The following VPS37A variants were observed in gnomAD, a reference collection of about 807,000 sequenced individuals.
The protein encoded by VPS37A is vacuolar protein sorting-associated protein 37A.
In VPS37A, 30 loss-of-function variants were observed where a neutral mutation model predicts 49.8. The observed-to-expected ratio is 0.60, with a 90% CI of 0.45 to 0.82. The LOEUF is 0.82. VPS37A is among the 40% of genes least tolerant of loss of function. The pLI is 0.00. For synonymous variants in VPS37A, 195 were observed against 160.6 expected (o/e 1.21, Z -1.62); for missense variants, 593 against 464.4 (o/e 1.28, Z -2.55).
chr8:17,320,057 T>C, the VPS37A span, among the ~76,000 whole-genome samples: 1 of 152,172 alleles, frequency 6.6e-6, no homozygotes, highest in Non-Finnish European at 1.5e-5. Flanking sequence ...TTACTAGCTT[T>C]TTATACTGAT....
At chr8:17,326,655 C>A in the VPS37A span, 1 of 152,254 alleles carries the variant, frequency 6.6e-6, no homozygotes, top group African/African-American at 2.4e-5. Context: ...CTTGAAGAAA[C>A]AGGCTGCCAT....
downstream of VPS37A, chr8:17,299,665 T>G (rs1489872515): frequency 7.4e-6 from 5 of 673,460 alleles, no homozygotes; most frequent in African/African-American, 7.3e-5. Context: ...TTCCTTATAT[T>G]TGATAAATGA....
chr8:17,301,759 T>C (rs940152752), downstream of VPS37A: 3 of 208,396 alleles, frequency 1.4e-5, no homozygotes, highest in South Asian at 1.4e-4. Context: ...TTACCAATTA[T>C]AGATTAATAT....
At chr8:17,275,033 C>A in intron 5 of VPS37A, 75 bp downstream of exon 5, 1 of 1,344,730 alleles carries the variant, frequency 7.4e-7, no homozygotes, top group Non-Finnish European at 1.0e-6. Context: ...TTACATGCCT[C>A]TGTGTGCCAG....
Position 17,275,900 on chromosome 8 carries a change from T to C in VPS37A, c.643-497T>C, listed in dbSNP as rs193239193. Among the ~76,000 whole-genome samples the C allele has an allele frequency of 2.3e-3, 345 of 152,224 alleles. 3 individuals carry two copies. The highest frequency in any genetic ancestry group is 4.2e-3 in the Non-Finnish European group (286 of 67,998). On this transcript the variant is annotated intron_variant, in intron 5 of 11. Coordinates refer to ENST00000324849, the MANE Select transcript of VPS37A (RefSeq NM_152415.3). Reference sequence around the variant, plus strand: ...AATGAGTGTTGTGAACAAATTACAGTTAGTAGTGTGAACAAAATTACAAGA... The same window carrying C: ...AATGAGTGTTGTGAACAAATTACAGCTAGTAGTGTGAACAAAATTACAAGA...
downstream of VPS37A, chr8:17,299,886 A>T (rs1816993354): frequency 2.5e-6 from 4 of 1,613,988 alleles, no homozygotes; most frequent in African/African-American, 1.3e-5. Context: ...ACACGGCTTC[A>T]TCAGAATCCC....
the VPS37A span, chr8:17,331,296 C>CA: frequency 6.4e-7 from 1 of 1,572,090 alleles, no homozygotes; most frequent in Non-Finnish European, 8.6e-7. Flanking sequence ...CAGTGGTCAG[C>CA]AAAACAGAAC....
chr8:17,275,675 A>C (rs1280912885), intron 5 of VPS37A, among the ~76,000 whole-genome samples: 1 of 152,220 alleles, frequency 6.6e-6, no homozygotes, highest in African/African-American at 2.4e-5. Context: ...TTCCTGAAGG[A>C]GAGACTAATA....
At chr8:17,273,402 T>C (rs978802600) in intron 4 of VPS37A, among the ~76,000 whole-genome samples, 2 of 152,172 alleles carry the variant, frequency 1.3e-5, no homozygotes, top group Non-Finnish European at 2.9e-5. Flanking sequence ...ACAATCCCTA[T>C]TTTCCCCAGG....
At chr8:17,319,168 A>C in the VPS37A span, among the ~76,000 whole-genome samples, 1 of 152,228 alleles carries the variant, frequency 6.6e-6, no homozygotes, top group Non-Finnish European at 1.5e-5. Context: ...AGGCAGACAC[A>C]GCTGCACTCA....
intron 11 of VPS37A, among the ~76,000 whole-genome samples, chr8:17,291,453 G>GTTTTTTTTTTTTGTT (rs1816146748): frequency 7.0e-6 from 1 of 143,018 alleles, no homozygotes; most frequent in Non-Finnish European, 1.5e-5. Flanking sequence ...TTTTTGAAGG[G>GTTTTTTTTTTTTGTT]TTTTTCGTGT....
At chr8:17,267,144 G>C (rs1175707730) in intron 2 of VPS37A, among the ~76,000 whole-genome samples, 2 of 152,086 alleles carry the variant, frequency 1.3e-5, no homozygotes, top group Non-Finnish European at 2.9e-5. Flanking sequence ...GATACAAACT[G>C]GGCTCCAAAG....
intron 6 of VPS37A, among the ~76,000 whole-genome samples, chr8:17,278,199 T>C (rs879853394): frequency 6.6e-6 from 1 of 152,048 alleles, no homozygotes; most frequent in Admixed American, 6.6e-5. Context: ...TCTTTTTACA[T>C]CCTATGAGGC....
At chr8:17,301,069 G>T (rs909779739), downstream of VPS37A, among the ~76,000 whole-genome samples, 1 of 152,168 alleles carries the variant, frequency 6.6e-6, no homozygotes, top group Admixed American at 6.5e-5. Flanking sequence ...CAGATTTCAT[G>T]TTTTGATGTT....
downstream of VPS37A, chr8:17,299,852 A>T: frequency 6.2e-7 from 1 of 1,613,378 alleles, no homozygotes; most frequent in South Asian, 1.1e-5. Flanking sequence ...TGGAACTCCA[A>T]AGGGAAACTT....
chr8:17,267,765 G>T (rs1813604899), intron 2 of VPS37A, among the ~76,000 whole-genome samples: 1 of 152,144 alleles, frequency 6.6e-6, no homozygotes, highest in South Asian at 2.1e-4. Flanking sequence ...GGGCTCAAGT[G>T]GCTCTCCTGC....
chr8:17,258,562 T>C (rs562832578), intron 1 of VPS37A, among the ~76,000 whole-genome samples: 1 of 152,260 alleles, frequency 6.6e-6, no homozygotes, highest in East Asian at 1.9e-4. Context: ...TTCAGGAGTT[T>C]TGTATGTATG....
intron 1 of VPS37A, 64 bp from the exon 2 acceptor site, chr8:17,265,843 C>T (rs1488329738): frequency 6.2e-7 from 1 of 1,610,584 alleles, no homozygotes; most frequent in African/African-American, 1.3e-5. Flanking sequence ...TAGCACTTAA[C>T]ATTGGTTTTT....
At chr8:17,308,669 A>G in the VPS37A span, among the ~76,000 whole-genome samples, 3 of 152,352 alleles carry the variant, frequency 2.0e-5, no homozygotes, top group South Asian at 6.2e-4. Flanking sequence ...CAATACAGGC[A>G]TCAACACTGA....
Sources: allele counts gnomAD v4.1 joint callset (sites outside exome capture counted in the v4.1 genomes callset), GRCh38; gene constraint gnomAD v4.1.1; transcripts MANE v1.5; gene names NCBI Gene and HGNC (gene_info 2026-07-23, HGNC 2026-07-21).